LTBP4: variants seen among roughly 807,000 people sequenced by gnomAD.
LTBP4 encodes latent transforming growth factor beta binding protein 4.
LTBP4 carries 93 observed loss-of-function variants against 180.2 expected under a neutral mutation model. The ratio of observed to expected loss-of-function variants is 0.52; its 90% CI spans 0.44 to 0.61. LTBP4 has a LOEUF of 0.61. Among genes scored for constraint, LTBP4 ranks in the 20% least tolerant of loss-of-function variants. The pLI is 0.00. For synonymous variants in LTBP4, 947 were observed against 934.5 expected, an observed-to-expected ratio of 1.01 and a Z score of -0.24; for missense variants, 2,116 against 2,256.5, an observed-to-expected ratio of 0.94 and a Z score of 1.26.
Position 40,608,259 on chromosome 19 carries a change from A to T in LTBP4, c.1196A>T (p.His399Leu), listed in dbSNP as rs2081477455. ...ATCTGCCCGGCTGGTCCTGGTTACC[A>T]CTACTCGGCCTCCGACCTCCGCTAC... ...REICPAGPGY[H>L]YSASDLRYNT... The change falls in exon 8 of 30, where the codon CAC (histidine) becomes CTC (leucine). Residue 399 changes from histidine to leucine, a missense_variant. His to Leu is a moderately conservative substitution (Grantham distance 99). Transcript: ENST00000396819. 1.2e-6 allele frequency: 2 copies of T among 1,613,662 alleles called. No homozygotes were observed. The highest frequency in any genetic ancestry group is 1.7e-5 in the Admixed American group (1 of 59,998).
At chr19:40,623,842 GA>G in intron 25 of LTBP4, 93 bp from the exon 26 acceptor site, 1 of 1,599,112 alleles carries the variant, frequency 6.3e-7, no homozygotes, top group Non-Finnish European at 8.6e-7. Context: ...CTGGAGTCTA[GA>G]CTCCATCCAT....
At chr19:40,595,973 T>G (rs2081388059) in intron 1 of LTBP4, among the ~76,000 whole-genome samples, 1 of 132,222 alleles carries the variant, frequency 7.6e-6, no homozygotes, top group Admixed American at 9.4e-5. Context: ...CAGGCTAGAG[T>G]GCAGTGGTGT....
chr19:40,617,860 G>A (rs1415515572), intron 21 of LTBP4, among the ~76,000 whole-genome samples: 1 of 152,072 alleles, frequency 6.6e-6, no homozygotes, highest in Non-Finnish European at 1.5e-5. Context: ...ATCATAGAAT[G>A]AACACCTACC....
Position 40,611,378 on chromosome 19 carries a change from CG to C in LTBP4, c.2041del (p.Ala681ProfsTer63). On this transcript the variant is annotated frameshift_variant, in exon 13 of 30. Transcript: ENST00000396819. LOFTEE classifies it high-confidence loss of function. The surrounding 1 kb of genome is among the most constrained non-coding windows in gnomAD (Gnocchi z 4.4). ...CTGCTGGCTTCCGCTCCCGAGGGCCCGGGGCCCCCTGCCAAGGTGAGGGTGC... is the reference window on the plus strand; with the variant it reads ...CTGCTGGCTTCCGCTCCCGAGGGCCCGGGCCCCCTGCCAAGGTGAGGGTGC... ...CPAGFRSRGPGAPCQDVDECA... is the reference protein window; with the variant it reads ...CPAGFRSRGPXAPCQDVDECA... The C allele has an allele frequency of 6.2e-7, 1 of 1,606,910 alleles. No homozygotes were observed.
chr19:40,603,108 A>G (rs2081435579), intron 1 of LTBP4, among the ~76,000 whole-genome samples: 3 of 152,110 alleles, frequency 2.0e-5, no homozygotes, highest in African/African-American at 7.2e-5. Flanking sequence ...CTCCAGTGAA[A>G]TTCCCTCTCA....
At chr19:40,601,077 G>C (rs1274619391), upstream of LTBP4, among the ~76,000 whole-genome samples, 1 of 151,982 alleles carries the variant, frequency 6.6e-6, no homozygotes, top group Non-Finnish European at 1.5e-5. Context: ...AGCTCTGTCT[G>C]GGGGGAAACC....
intron 15 of LTBP4, among the ~76,000 whole-genome samples, chr19:40,612,704 G>A (rs1204837019): frequency 6.6e-6 from 1 of 152,134 alleles, no homozygotes; most frequent in African/African-American, 2.4e-5. Flanking sequence ...GATCCTAACT[G>A]GATTCAGATT....
At chr19:40,597,349 G>C (rs978886413), upstream of LTBP4, 1 of 1,522,252 alleles carries the variant, frequency 6.6e-7, no homozygotes, top group African/African-American at 1.4e-5. Context: ...CCAGGTCGTC[G>C]AGGTCCCGGG....
rs2081505858 is a variant in LTBP4 at position 40,611,464 on chromosome 19, G to A, written c.2053+70G>A. The A allele has an allele frequency of 2.6e-6, 4 of 1,531,148 alleles. No homozygotes were observed. The African/African-American group carries it at 4.1e-5, about 16-fold the overall frequency. 94.8% of individuals were successfully genotyped at this position (1,531,148 alleles called of 1,614,324 possible). A position where few individuals can be genotyped will look rare whatever the true frequency, so the allele number is the denominator to read the frequency against. On this transcript the variant is annotated intron_variant, in intron 13 of 29. Transcript: ENST00000396819. This position sits in a 1 kb window ranked among gnomAD's most constrained non-coding sequence, Gnocchi z 4.4. ...GAGACTGGAGAGAGATTATTGAGGG[G>A]CAGAGAGGCAGAGTGATGGGGCTCA... is the stretch of plus-strand genomic sequence containing the variant.
rs2081512833 is a variant in LTBP4, at chr19:40,612,192, G to A, written c.2299G>A (p.Asp767Asn). ...CCACCTGCACCGTGGCAGATGCACTGGTGAGACCAGGCCCTGGCTGTGACC... is the reference window on the plus strand; with the variant it reads ...CCACCTGCACCGTGGCAGATGCACTAGTGAGACCAGGCCCTGGCTGTGACC... ...GHHLHRGRCT[D>N]VDECSSGAPP... Residue 767 changes from aspartate (D) to asparagine (N), a missense_variant and splice_region_variant, in exon 15 of 30, where the codon GAT (aspartate) becomes AAT (asparagine). By Grantham distance (23) the Asp-to-Asn change is conservative (BLOSUM62 1). This residue lies in a region of LTBP4 where 877 missense variants were observed against 873.6 expected (regional missense o/e 1.00). Coordinates refer to ENST00000396819, the MANE Select transcript of LTBP4 (RefSeq NM_001042545.2). 2 of 1,597,666 alleles carry A rather than the reference G, an allele frequency of 1.3e-6. No individual in the cohort carries two copies. Among genetic ancestry groups the A allele is most frequent in the Admixed American group, 3.4e-5 (2 of 57,990 alleles).
intron 21 of LTBP4, among the ~76,000 whole-genome samples, chr19:40,617,922 A>G (rs2081561801): frequency 6.6e-6 from 1 of 152,180 alleles, no homozygotes; most frequent in Non-Finnish European, 1.5e-5. Flanking sequence ...TTCCTCACAT[A>G]TCTATCCATT....
chr19:40,599,480 A>T (rs1287866483), upstream of LTBP4: 12 of 1,613,798 alleles, frequency 7.4e-6, no homozygotes, highest in Non-Finnish European at 1.0e-5. Flanking sequence ...GCGGTGCCTG[A>T]ACCCAGTGCC....
rs746371087 is a variant in LTBP4 at position 40,622,465 on chromosome 19, G to A, written c.3282G>A (p.Pro1094=). 15 of 1,603,812 alleles carry A rather than the reference G, an allele frequency of 9.4e-6. No individual in the cohort carries two copies. The highest frequency in any genetic ancestry group is 5.1e-5 in the Admixed American group (3 of 59,142). ...CCGTTCTGCCCGCCAGGCCACCTCC[G>A]CCACCCCTGCCCCGCCGACCCAGCA... ...ASPVLPARPP[P]PPLPRRPSTP... is the part of the protein sequence containing the mutation. The change falls in exon 23 of 30, where the codon CCG becomes CCA. Residue 1094 remains proline (P), a synonymous_variant. Transcript: ENST00000396819. This position sits in a 1 kb window ranked among gnomAD's most constrained non-coding sequence, Gnocchi z 5.1.
chr19:40,623,743 C>T lies in LTBP4; in HGVS notation c.3685+11C>T. On this transcript the variant is annotated intron_variant, in intron 25 of 29. Transcript: ENST00000396819. ...GGCTGGAGTGCATCGGTACAAGCCC[C>T]ACCTCCCCCAACCCCCGGCAACTCT... The T allele has an allele frequency of 1.2e-6, 2 of 1,613,606 alleles. No individual in the cohort carries two copies. Among genetic ancestry groups the T allele is most frequent in the South Asian group, 2.2e-5 (2 of 91,078 alleles).
At chr19:40,616,246 A>G (rs1009375807) in intron 19 of LTBP4, among the ~76,000 whole-genome samples, 3 of 149,964 alleles carry the variant, frequency 2.0e-5, no homozygotes, top group Admixed American at 6.7e-5. Context: ...GTGAGCCATG[A>G]TCCTGTCACT....
chr19:40,625,277 TATATATATATATATATATATATATATA>T (rs1390950726), intron 26 of LTBP4, among the ~76,000 whole-genome samples: 186 of 7,662 alleles, frequency 0.024, 32 homozygotes, highest in East Asian at 0.083. Context: ...TATATATATA[TATATATATATATATATATATATATATA>T]TATATATATA....
chr19:40,599,616 G>A, upstream of LTBP4: 4 of 1,531,422 alleles, frequency 2.6e-6, no homozygotes, highest in Non-Finnish European at 3.6e-6. Context: ...CTTTGCCCCC[G>A]TTTCCGCTCC....
In LTBP4 at chr19:40,605,923, A is replaced by C; in HGVS notation, c.793+92A>C. On this transcript the variant is annotated intron_variant, in intron 4 of 29. Coordinates refer to ENST00000396819, the MANE Select transcript of LTBP4 (RefSeq NM_001042545.2). The surrounding 1 kb of genome is among the most constrained non-coding windows in gnomAD (Gnocchi z 5.5). ...ACTCTGCCCTAGATAAACCCAGTTC[A>C]CAAATTGTAGCCACGCCTACCCCAT... 1 of 1,374,592 alleles carries C rather than the reference A, an allele frequency of 7.3e-7. No homozygotes were observed. 85.1% of individuals were successfully genotyped at this position (1,374,592 alleles called of 1,614,324 possible). A position where few individuals can be genotyped will look rare whatever the true frequency, so the allele number is the denominator to read the frequency against.
At position 40,610,656 on chromosome 19, in the gene LTBP4, G is replaced by A; in HGVS notation, c.1809G>A (p.Gln603=). 1 of 1,582,000 alleles carries A rather than the reference G, an allele frequency of 6.3e-7. No individual in the cohort carries two copies. Among genetic ancestry groups the A allele is most frequent in the Non-Finnish European group, 8.6e-7 (1 of 1,167,602 alleles). Residue 603 remains glutamine, a splice_region_variant and synonymous_variant, in exon 12 of 30, where the codon CAG becomes CAA. Coordinates refer to ENST00000396819, the MANE Select transcript of LTBP4 (RefSeq NM_001042545.2). ...YQAAPHGASC[Q]DVDECTQSPG... is the part of the protein sequence containing the mutation. ...CTGCACCGCACGGAGCCAGCTGCCA[G>A]GGTGAGGGCCTGGGAGGGGCAGCTG...
Sources: gnomAD v4.1 joint callset for allele counts (sites outside exome capture counted in the v4.1 genomes callset) on GRCh38, gnomAD v4.1.1 for gene constraint, gnomAD v4.1.1 regional missense constraint, Gnocchi (gnomAD v3.1) non-coding constraint, MANE v1.5 for transcripts, NCBI Gene and HGNC (gene_info 2026-07-23, HGNC 2026-07-21) for gene names.